Variants in CCK observed in about 807,000 individuals in gnomAD.
CCK encodes the protein cholecystokinin.
Under a neutral mutation model 10.1 loss-of-function variants are expected in CCK, and 11 were observed. The observed-to-expected ratio is 1.09, with a 90% CI of 0.69 to 1.81. CCK has a LOEUF of 1.81. CCK is among the 40% of genes most tolerant of loss of function. CCK has a pLI of 0.00. For missense variants in CCK, 137 were observed against 159.9 expected (o/e 0.86, Z 0.77); for synonymous variants, 83 against 71.9 (o/e 1.15, Z -0.78).
chr3:42,265,544 G>T (rs1009730753), intron 1 of CCK, 107 bp from the exon 2 acceptor site: 1 of 152,208 alleles, frequency 6.6e-6, no homozygotes, highest in Non-Finnish European at 1.5e-5. Context: ...GGCGCCCACT[G>T]TTCCCCGTTG....
At chr3:42,260,871 G>A (rs141739971) in intron 4 of CCK, among the ~76,000 whole-genome samples, 1 of 152,332 alleles carries the variant, frequency 6.6e-6, no homozygotes, top group East Asian at 1.9e-4. Context: ...CAGCTAGGAA[G>A]CTGAATGGCT....
At position 42,258,102 on chromosome 3, in the gene CCK, G is replaced by A. The variant is rs780129166; in HGVS notation, c.344C>T (p.Ser115Phe). ...GGCTGATGGCGGCTGGGTCCTCTAG[G>A]AGGGGTACTCATACTCCTCGGCACT... ...RRSAEEYEYP[S>F] Residue 115 changes from serine to phenylalanine, a missense_variant, in exon 5 of 5, where the codon TCC becomes TTC. Ser to Phe is a radical substitution (Grantham distance 155, BLOSUM62 -2). Coordinates refer to ENST00000396169, the MANE Select transcript of CCK (RefSeq NM_000729.6). 2 of 1,612,776 alleles carry A rather than the reference G, an allele frequency of 1.2e-6. No individual in the cohort carries two copies. The highest frequency in any genetic ancestry group is 1.1e-5 in the South Asian group (1 of 90,674).
intron 4 of CCK, among the ~76,000 whole-genome samples, chr3:42,261,331 T>C (rs1326607057): frequency 6.6e-6 from 1 of 152,234 alleles, no homozygotes; most frequent in Non-Finnish European, 1.5e-5. Context: ...ACTGCACATA[T>C]AGAAACTGTG....
rs751948041 is a variant in CCK, at chr3:42,263,532, C to G, written c.99G>C (p.Leu33=). ...VPPADPAGSG[L]QRAEEAPRRQ... ...TACGGGGCGCCTCCTCTGCCCGCTG[C>G]AGCCCGGAGCCCGCGGGATCTGCGG... is the stretch of plus-strand genomic sequence containing the variant. The change falls in exon 4 of 5, where the codon CTG becomes CTC. Residue 33 remains leucine (L), a synonymous_variant. Transcript: ENST00000396169. 3 of 1,613,096 alleles carry G rather than the reference C, an allele frequency of 1.9e-6. No homozygotes were observed. Among genetic ancestry groups the G allele is most frequent in the African/African-American group, 1.3e-5 (1 of 74,936 alleles).
chr3:42,265,251 A>C lies in CCK; in HGVS notation c.-214+18T>G, dbSNP rs543164329. Reference sequence around the variant, plus strand: ...TCGGCCCCCTACCCCGGAGCGTCCGAGGCGCTGGTCTTCATACCTGTGTCG... The same window carrying C: ...TCGGCCCCCTACCCCGGAGCGTCCGCGGCGCTGGTCTTCATACCTGTGTCG... On this transcript the variant is annotated intron_variant, in intron 2 of 4. Coordinates refer to ENST00000396169, the MANE Select transcript of CCK (RefSeq NM_000729.6). 6.6e-6 allele frequency: 1 copy of C among 152,452 alleles called. No individual in the cohort carries two copies. Among genetic ancestry groups the C allele is most frequent in the African/African-American group, 2.4e-5 (1 of 41,556 alleles). 9.4% of individuals were successfully genotyped at this position (152,452 alleles called of 1,614,324 possible).
In CCK at chr3:42,265,292, AGAG is replaced by A. The variant is rs1463267372; in HGVS notation, c.-240_-238del. On this transcript the variant is annotated 5_prime_UTR_variant, in exon 2 of 5. Coordinates refer to ENST00000396169, the MANE Select transcript of CCK (RefSeq NM_000729.6). Reference sequence around the variant, plus strand: ...ACCTGTGTCGGCTCTTTCGAAGGAGAGAGGAGGAGTCGGGGTCTTCACTTTCTT... The same window carrying A: ...ACCTGTGTCGGCTCTTTCGAAGGAGAGAGGAGTCGGGGTCTTCACTTTCTT... The A allele has an allele frequency of 6.6e-6, 1 of 152,010 alleles. No individual in the cohort carries two copies. The highest frequency in any genetic ancestry group is 2.4e-5 in the African/African-American group (1 of 41,318). 9.4% of individuals were successfully genotyped at this position (152,010 alleles called of 1,614,324 possible). A position where few individuals can be genotyped will look rare whatever the true frequency, so the allele number is the denominator to read the frequency against.
At chr3:42,261,364 TTAGTCC>T (rs1711208270) in intron 4 of CCK, among the ~76,000 whole-genome samples, 3 of 152,212 alleles carry the variant, frequency 2.0e-5, no homozygotes, top group African/African-American at 7.2e-5. Flanking sequence ...GTGTAAGTAT[TTAGTCC>T]TAGTTCATGT....
In CCK at chr3:42,261,703, T is replaced by C. The variant is rs1483939723; in HGVS notation, c.214+1714A>G. On this transcript the variant is annotated intron_variant, in intron 4 of 4. Coordinates refer to ENST00000396169, the MANE Select transcript of CCK (RefSeq NM_000729.6). The stretch of plus-strand genomic sequence containing the variant: ...TTTTTGCAGATATCCTCAGCCTACA[T>C]AGAAGAAAAACCAGGGTCTTTCCTA... 3.3e-5 allele frequency among the ~76,000 whole-genome samples: 5 copies of C among 151,538 alleles called. No individual in the cohort carries two copies. The East Asian group carries it at 5.8e-4, about 18-fold the overall frequency.
chr3:42,261,663 G>A (rs575554302), intron 4 of CCK, among the ~76,000 whole-genome samples: 8 of 147,224 alleles, frequency 5.4e-5, no homozygotes, highest in South Asian at 2.2e-4. Context: ...GACTCAATTC[G>A]GCACATTTCA....
chr3:42,263,262 C>A (rs922361963), intron 4 of CCK, 155 bp downstream of exon 4: 8 of 1,124,836 alleles, frequency 7.1e-6, no homozygotes, highest in Non-Finnish European at 1.1e-5. Context: ...CCTCCATACC[C>A]CTTCTCAGAT....
At chr3:42,263,808 C>A in intron 3 of CCK, 176 bp from the exon 4 acceptor site, 1 of 1,109,704 alleles carries the variant, frequency 9.0e-7, no homozygotes. Flanking sequence ...CCATGGCGCG[C>A]GCCCCCGGGC....
chr3:42,263,979 C>T (rs552284028), intron 3 of CCK: 3 of 242,834 alleles, frequency 1.2e-5, no homozygotes, highest in South Asian at 1.7e-4. Flanking sequence ...TAAAACCCCA[C>T]GAGATTAAAA....
intron 1 of CCK, 74 bp from the exon 2 acceptor site, chr3:42,265,511 C>G (rs1711274176): frequency 1.3e-5 from 2 of 152,170 alleles, no homozygotes; most frequent in Non-Finnish European, 1.5e-5. Flanking sequence ...GTTTTCTTCC[C>G]GGGCCAAGTT....
At chr3:42,262,124 C>CAA (rs961427093) in intron 4 of CCK, among the ~76,000 whole-genome samples, 1 of 150,854 alleles carries the variant, frequency 6.6e-6, no homozygotes, top group African/African-American at 2.4e-5. Context: ...GGTTAAGGTT[C>CAA]AAATCCAGGC....
intron 4 of CCK, among the ~76,000 whole-genome samples, chr3:42,262,748 C>T (rs545766641): frequency 1.7e-5 from 2 of 115,182 alleles, no homozygotes; most frequent in East Asian, 5.7e-4. Context: ...TGCCTGCATG[C>T]CACTCGGCTA....
At chr3:42,259,429 C>G (rs1223071439) in intron 4 of CCK, among the ~76,000 whole-genome samples, 1 of 152,086 alleles carries the variant, frequency 6.6e-6, no homozygotes, top group Non-Finnish European at 1.5e-5. Flanking sequence ...ATTCAGAAAG[C>G]TTTTGTCATT....
Position 42,258,121 on chromosome 3 carries a change from C to A in CCK, c.325G>T (p.Glu109Ter). The A allele has an allele frequency of 1.2e-6, 2 of 1,613,952 alleles. No homozygotes were observed. Among genetic ancestry groups the A allele is most frequent in the Non-Finnish European group, 1.7e-6 (2 of 1,179,940 alleles). The change falls in exon 5 of 5, where the codon GAG becomes TAG. Residue 109 changes from glutamate (E) to a stop codon, truncating the protein, a stop_gained. Transcript: ENST00000396169. LOFTEE classifies it high-confidence loss of function. ...CTCTAGGAGGGGTACTCATACTCCT[C>A]GGCACTGCGACGGCCAAAATCCATC... ...GWMDFGRRSA[E>*]EYEYPS
Position 42,258,151 on chromosome 3 carries a change from C to T in CCK, c.295G>A (p.Gly99Ser). Residue 99 changes from glycine to serine, a missense_variant, in exon 5 of 5, where the codon GGC becomes AGC. Transcript: ENST00000396169. ...SHRISDRDYMGWMDFGRRSAE... is the reference protein window; with the variant it reads ...SHRISDRDYMSWMDFGRRSAE... The stretch of plus-strand genomic sequence containing the variant: ...CTGCGACGGCCAAAATCCATCCAGC[C>T]CATGTAGTCCCGGTCACTTATCCTG... 1 of 1,614,106 alleles carries T rather than the reference C, an allele frequency of 6.2e-7. No homozygotes were observed. Among genetic ancestry groups the T allele is most frequent in the South Asian group, 1.1e-5 (1 of 91,070 alleles).
At chr3:42,264,245 G>A (rs903864656) in intron 3 of CCK, among the ~76,000 whole-genome samples, 10 of 152,232 alleles carry the variant, frequency 6.6e-5, no homozygotes, top group African/African-American at 2.4e-4. Context: ...TATGTGCCCA[G>A]CGCTCAGGCT....
Sources: allele counts gnomAD v4.1 joint callset (sites outside exome capture counted in the v4.1 genomes callset), GRCh38; gene constraint gnomAD v4.1.1; transcripts MANE v1.5; gene names NCBI Gene and HGNC (gene_info 2026-07-23, HGNC 2026-07-21).